Variants in RIN3 observed in about 807,000 individuals in gnomAD.
RIN3 encodes the protein Ras and Rab interactor 3, also known as RAB5 interacting protein 3.
A neutral mutation model predicts 76.3 loss-of-function variants in RIN3; 54 were observed. The ratio of observed to expected loss-of-function variants is 0.71; its 90% CI spans 0.57 to 0.89. The LOEUF (loss-of-function observed/expected upper bound fraction) is 0.89, where lower values mean the gene tolerates loss of function less well. RIN3 is among the 40% of genes least tolerant of loss of function. RIN3 has a pLI of 0.00. For missense variants in RIN3, 1,256 were observed against 1,322.1 expected (o/e 0.95, Z 0.78); for synonymous variants, 576 against 564.0 (o/e 1.02, Z -0.30).
chr14:92,532,095 A>T (rs923952641), intron 1 of RIN3, among the ~76,000 whole-genome samples: 25 of 151,862 alleles, frequency 1.6e-4, no homozygotes, highest in African/African-American at 5.8e-4. Flanking sequence ...TGCCAGGCTC[A>T]TTTTTGTATT....
At chr14:92,633,685 G>C (rs1249200344) in intron 4 of RIN3, among the ~76,000 whole-genome samples, 1 of 152,214 alleles carries the variant, frequency 6.6e-6, no homozygotes, top group African/African-American at 2.4e-5. Flanking sequence ...TTGGTGTCTG[G>C]AGAATTGGAG....
At chr14:92,515,477 A>G in intron 1 of RIN3, 1 of 494,888 alleles carries the variant, frequency 2.0e-6, no homozygotes, top group Non-Finnish European at 3.6e-6. Flanking sequence ...TCTGTATCTC[A>G]GTTCACTTAT....
At chr14:92,552,522 T>TGG (rs1210120455) in intron 1 of RIN3, among the ~76,000 whole-genome samples, 1 of 152,154 alleles carries the variant, frequency 6.6e-6, no homozygotes, top group Non-Finnish European at 1.5e-5. Context: ...CAGATGCTCA[T>TGG]GGGGCCCTCC....
chr14:92,659,387 G>C lies in RIN3; in HGVS notation c.2253G>C (p.Lys751Asn). 1 of 1,613,690 alleles carries C rather than the reference G, an allele frequency of 6.2e-7. No individual in the cohort carries two copies. The highest frequency in any genetic ancestry group is 2.2e-5 in the East Asian group (1 of 44,874). Reference sequence around the variant, plus strand: ...TGCAGAAGTTCACCAGCATGCACAAGGCCTACTCACCTGAGAAGAAGATCT... The same window carrying C: ...TGCAGAAGTTCACCAGCATGCACAACGCCTACTCACCTGAGAAGAAGATCT... ...KILQKFTSMH[K>N]AYSPEKKISI... Residue 751 changes from lysine to asparagine, a missense_variant, in exon 7 of 10, where the codon AAG (lysine) becomes AAC (asparagine). This residue lies in a region of RIN3 where 428 missense variants were observed against 521.2 expected (regional missense o/e 0.82). Transcript: ENST00000216487.
chr14:92,662,448 T>G (rs140086924), intron 7 of RIN3, among the ~76,000 whole-genome samples: 88 of 152,358 alleles, frequency 5.8e-4, no homozygotes, highest in African/African-American at 2.1e-3. Flanking sequence ...TCTCGGCTTG[T>G]GGCTGTGTTC....
At chr14:92,528,228 G>A (rs573508324) in intron 1 of RIN3, among the ~76,000 whole-genome samples, 44 of 151,870 alleles carry the variant, frequency 2.9e-4, no homozygotes, top group African/African-American at 7.7e-4. Flanking sequence ...CGGGGAGGCC[G>A]CCTTTATTCC....
rs1305142887 is a variant in RIN3 at position 92,652,775 on chromosome 14, G to A, written c.1726G>A (p.Gly576Ser). Residue 576 changes from glycine to serine, a missense_variant, in exon 6 of 10, where the codon GGC becomes AGC. Physicochemically the swap from Gly to Ser is moderately conservative, Grantham distance 56 (BLOSUM62 0). Coordinates refer to ENST00000216487, the MANE Select transcript of RIN3 (RefSeq NM_024832.5). The surrounding 1 kb of genome is among the most constrained non-coding windows in gnomAD (Gnocchi z 6.4). ...SVKKKPSMIL[G>S]KARHRLSFAS... ...GAAGAAGAAGCCCTCCATGATCCTG[G>A]GCAAGGCTCGGCACCGGCTGAGCTT... 1 of 1,613,850 alleles carries A rather than the reference G, an allele frequency of 6.2e-7. No homozygotes were observed. The highest frequency in any genetic ancestry group is 8.5e-7 in the Non-Finnish European group (1 of 1,180,038).
At chr14:92,655,689 G>A (rs1037862694) in intron 6 of RIN3, among the ~76,000 whole-genome samples, 4 of 152,244 alleles carry the variant, frequency 2.6e-5, no homozygotes, top group African/African-American at 7.2e-5. Flanking sequence ...GACCAGGACG[G>A]AGGCAGCACA....
At chr14:92,545,576 C>CTTTTTCTTTTTTTTTTTTTTTTTT (rs1897242024) in intron 1 of RIN3, among the ~76,000 whole-genome samples, 1 of 125,058 alleles carries the variant, frequency 8.0e-6, no homozygotes, top group African/African-American at 2.9e-5. Flanking sequence ...TTTCTTTTTT[C>CTTTTTCTTTTTTTTTTTTTTTTTT]TTTTTCTTTT....
At chr14:92,528,379 ACT>A (rs1352574668) in intron 1 of RIN3, among the ~76,000 whole-genome samples, 3 of 152,086 alleles carry the variant, frequency 2.0e-5, no homozygotes, top group African/African-American at 7.2e-5. Flanking sequence ...TTGACGTTCC[ACT>A]CTCTGCCTCA....
intron 5 of RIN3, among the ~76,000 whole-genome samples, chr14:92,647,926 C>G (rs1180601370): frequency 1.3e-5 from 2 of 152,118 alleles, no homozygotes; most frequent in African/African-American, 2.4e-5. Flanking sequence ...AGGATGGGCC[C>G]TTCTTTAGGG....
chr14:92,669,437 G>A (rs1008418968), intron 7 of RIN3, among the ~76,000 whole-genome samples: 2 of 152,206 alleles, frequency 1.3e-5, no homozygotes, highest in Non-Finnish European at 2.9e-5. Flanking sequence ...GGACTGGGGA[G>A]AGCCATTACA....
intron 1 of RIN3, among the ~76,000 whole-genome samples, chr14:92,537,543 G>T (rs1382947007): frequency 4.7e-5 from 7 of 149,790 alleles, no homozygotes; most frequent in Admixed American, 2.0e-4. Flanking sequence ...GTGTTTATGT[G>T]TTTGCAATTG....
chr14:92,655,442 G>C (rs1194626933), intron 6 of RIN3, among the ~76,000 whole-genome samples: 2 of 152,206 alleles, frequency 1.3e-5, no homozygotes, highest in African/African-American at 4.8e-5. Context: ...GCATGTGGAT[G>C]GAAGTGAGGT....
chr14:92,561,020 TA>T (rs1324990452), intron 2 of RIN3, among the ~76,000 whole-genome samples: 79 of 23,644 alleles, frequency 3.3e-3, no homozygotes, highest in African/African-American at 6.5e-3. Context: ...AAACTCTGTC[TA>T]AAAAAAAAAA....
intron 6 of RIN3, among the ~76,000 whole-genome samples, chr14:92,655,724 G>T (rs111672846): frequency 0.01 from 1,549 of 152,348 alleles, 18 homozygotes; most frequent in Non-Finnish European, 0.014. Flanking sequence ...ATTGGATTCT[G>T]CCTGTTGTGA....
intron 7 of RIN3, among the ~76,000 whole-genome samples, chr14:92,669,399 A>G (rs547673601): frequency 6.6e-6 from 1 of 152,328 alleles, no homozygotes; most frequent in South Asian, 2.1e-4. Context: ...TTAACGTGTG[A>G]TATTGACTTT....
chr14:92,642,953 C>G (rs1365235593), intron 5 of RIN3, among the ~76,000 whole-genome samples: 4 of 152,210 alleles, frequency 2.6e-5, no homozygotes, highest in Admixed American at 2.0e-4. Flanking sequence ...GAAACTGAGG[C>G]ACAAGAGGTT....
intron 1 of RIN3, chr14:92,515,527 G>C: frequency 2.2e-6 from 1 of 462,332 alleles, no homozygotes; most frequent in Non-Finnish European, 3.8e-6. Context: ...CCTTAGAGTT[G>C]TTTTGAGGAC....
Sources: allele counts gnomAD v4.1 joint callset (sites outside exome capture counted in the v4.1 genomes callset), GRCh38; gene constraint gnomAD v4.1.1; regional missense constraint gnomAD v4.1.1; non-coding constraint Gnocchi (gnomAD v3.1); transcripts MANE v1.5; gene names NCBI Gene and HGNC (gene_info 2026-07-23, HGNC 2026-07-21).